The following MBNL1 variants were observed in gnomAD, a reference collection of about 807,000 sequenced individuals.
MBNL1 encodes the protein muscleblind-like protein 1.
Under a neutral mutation model 42.2 loss-of-function variants are expected in MBNL1, and 8 were observed. The observed-to-expected ratio is 0.19, with a 90% CI of 0.11 to 0.34. The LOEUF (loss-of-function observed/expected upper bound fraction) is 0.34, where lower values mean the gene tolerates loss of function less well. MBNL1 is among the 10% of genes least tolerant of loss of function. The probability of loss-of-function intolerance (pLI) is 1.00; values close to 1 mark genes in which losing one functional copy is unlikely to be tolerated. For synonymous variants in MBNL1, 169 were observed against 173.9 expected (o/e 0.97, Z 0.22); for missense variants, 309 against 495.3 (o/e 0.62, Z 3.57).
At chr3:152,257,594 A>G (rs1388633595) in intron 2 of MBNL1, among the ~76,000 whole-genome samples, 1 of 152,190 alleles carries the variant, frequency 6.6e-6, no homozygotes, top group African/African-American at 2.4e-5. Context: ...AATAGTACTT[A>G]GCAACACATA....
intron 6 of MBNL1, among the ~76,000 whole-genome samples, chr3:152,450,551 A>T (rs1276292149): frequency 4.6e-5 from 7 of 152,362 alleles, no homozygotes; most frequent in Middle Eastern, 3.4e-3. Flanking sequence ...ACAGGGGAGC[A>T]CAGGCTCAGT....
At chr3:152,449,909 A>C (rs1718587675) in intron 6 of MBNL1, among the ~76,000 whole-genome samples, 1 of 152,074 alleles carries the variant, frequency 6.6e-6, no homozygotes, top group African/African-American at 2.4e-5. Context: ...GTTTGAGGCC[A>C]GCGTGGCCAA....
At chr3:152,376,577 G>A (rs2096911452) in intron 2 of MBNL1, among the ~76,000 whole-genome samples, 1 of 152,152 alleles carries the variant, frequency 6.6e-6, no homozygotes, top group Admixed American at 6.5e-5. Context: ...CCATTTGTCA[G>A]ATTGTTATGT....
At chr3:152,286,784 A>G (rs1315417978) in intron 1 of MBNL1, among the ~76,000 whole-genome samples, 1 of 152,018 alleles carries the variant, frequency 6.6e-6, no homozygotes, top group Non-Finnish European at 1.5e-5. Context: ...AGATTGCTAC[A>G]TGATTGCTCT....
chr3:152,423,999 T>C (rs1233771679), intron 3 of MBNL1, among the ~76,000 whole-genome samples: 2 of 152,118 alleles, frequency 1.3e-5, no homozygotes, highest in African/African-American at 2.4e-5. Context: ...GCTGGAAGTA[T>C]TCCCTTTGAA....
intron 2 of MBNL1, among the ~76,000 whole-genome samples, chr3:152,399,706 T>C (rs1183662662): frequency 6.6e-6 from 1 of 152,108 alleles, no homozygotes; most frequent in African/African-American, 2.4e-5. Context: ...TCTCACTATG[T>C]AGCCTAGGCT....
intron 4 of MBNL1, among the ~76,000 whole-genome samples, chr3:152,439,003 C>T (rs2099113906): frequency 6.6e-6 from 1 of 152,172 alleles, no homozygotes; most frequent in African/African-American, 2.4e-5. Context: ...ATTTTTACAT[C>T]AGCAGTCTAT....
At chr3:152,253,187 C>A (rs1173207573) in intron 2 of MBNL1, among the ~76,000 whole-genome samples, 3 of 152,036 alleles carry the variant, frequency 2.0e-5, no homozygotes, top group Admixed American at 6.6e-5. Flanking sequence ...CCACATAAAA[C>A]CCCTCATTTC....
chr3:152,405,929 A>C (rs2098416461), intron 2 of MBNL1, among the ~76,000 whole-genome samples: 1 of 152,184 alleles, frequency 6.6e-6, no homozygotes, highest in African/African-American at 2.4e-5. Context: ...ACAGTTTAGA[A>C]ATCTGATTGT....
intron 2 of MBNL1, among the ~76,000 whole-genome samples, chr3:152,342,503 G>T (rs184408943): frequency 6.6e-6 from 1 of 151,470 alleles, no homozygotes; most frequent in Admixed American, 6.6e-5. Context: ...ACTAGAAAAA[G>T]ATTGAGTCAG....
At chr3:152,322,887 T>C (rs1341622509) in intron 2 of MBNL1, among the ~76,000 whole-genome samples, 1 of 152,078 alleles carries the variant, frequency 6.6e-6, no homozygotes, top group Non-Finnish European at 1.5e-5. Flanking sequence ...TGCATATGAA[T>C]TTAATAAGCA....
intron 6 of MBNL1, among the ~76,000 whole-genome samples, chr3:152,452,970 AAAG>A (rs1726365688): frequency 6.6e-6 from 1 of 152,088 alleles, no homozygotes; most frequent in Admixed American, 6.5e-5. Flanking sequence ...GTGTTTATGC[AAAG>A]AAGAGAAAAA....
At chr3:152,442,268 A>G (rs2153823017) in intron 4 of MBNL1, among the ~76,000 whole-genome samples, 1 of 152,344 alleles carries the variant, frequency 6.6e-6, no homozygotes, top group African/African-American at 2.4e-5. Flanking sequence ...TACCTGTATT[A>G]TGTACACTAT....
intron 4 of MBNL1, among the ~76,000 whole-genome samples, chr3:152,436,754 T>A (rs921408917): frequency 1.3e-5 from 2 of 152,232 alleles, no homozygotes; most frequent in African/African-American, 4.8e-5. Flanking sequence ...ACTTTTGTCT[T>A]TGAGTTTTTT....
At chr3:152,348,229 G>C (rs2094519396) in intron 2 of MBNL1, among the ~76,000 whole-genome samples, 1 of 152,046 alleles carries the variant, frequency 6.6e-6, no homozygotes, top group South Asian at 2.1e-4. Flanking sequence ...ATTTTTAACA[G>C]ATACTAGAGA....
chr3:152,305,640 A>G (rs1203802650), intron 2 of MBNL1, among the ~76,000 whole-genome samples: 1 of 152,192 alleles, frequency 6.6e-6, no homozygotes, highest in East Asian at 1.9e-4. Context: ...TTTAGCACTG[A>G]TGATAGTTAT....
chr3:152,314,426 A>T (rs1048090522), intron 2 of MBNL1, among the ~76,000 whole-genome samples: 1 of 146,084 alleles, frequency 6.8e-6, no homozygotes, highest in Non-Finnish European at 1.5e-5. Flanking sequence ...CCCAGGCTGG[A>T]GTACAATAGC....
chr3:152,290,186 T>A (rs2055045398), intron 1 of MBNL1, among the ~76,000 whole-genome samples: 1 of 152,084 alleles, frequency 6.6e-6, no homozygotes, highest in Non-Finnish European at 1.5e-5. Flanking sequence ...GCTTCTGTGG[T>A]CAGATTTAGT....
intron 2 of MBNL1, among the ~76,000 whole-genome samples, chr3:152,402,445 T>C (rs778332808): frequency 6.6e-6 from 1 of 152,240 alleles, no homozygotes; most frequent in Non-Finnish European, 1.5e-5. Context: ...CAAGCAACTT[T>C]CTGATTTCAC....
Sources: gnomAD v4.1 joint callset for allele counts (sites outside exome capture counted in the v4.1 genomes callset) on GRCh38, gnomAD v4.1.1 for gene constraint, MANE v1.5 for transcripts, NCBI Gene and HGNC (gene_info 2026-07-23, HGNC 2026-07-21) for gene names.